Variants in MIPOL1 observed in about 807,000 individuals in gnomAD.
MIPOL1 encodes mirror-image polydactyly 1, also known as mirror-image polydactyly gene 1 protein.
MIPOL1 carries 57 observed loss-of-function variants against 60.9 expected under a neutral mutation model. The observed-to-expected ratio is 0.94, with a 90% CI of 0.76 to 1.17. The LOEUF (loss-of-function observed/expected upper bound fraction) is 1.17, where lower values mean the gene tolerates loss of function less well. MIPOL1 is among the 50% of genes most tolerant of loss of function. The probability of loss-of-function intolerance (pLI) is 0.00; values close to 1 mark genes in which losing one functional copy is unlikely to be tolerated. For synonymous variants in MIPOL1, 179 were observed against 168.8 expected (o/e 1.06, Z -0.47); for missense variants, 551 against 511.6 (o/e 1.08, Z -0.74).
intron 1 of MIPOL1, among the ~76,000 whole-genome samples, chr14:37,228,438 T>G (rs1970111426): frequency 6.6e-6 from 1 of 151,730 alleles, no homozygotes; most frequent in African/African-American, 2.4e-5. Flanking sequence ...GACTTCTGAT[T>G]AAAACATTTT....
intron 9 of MIPOL1, among the ~76,000 whole-genome samples, chr14:37,357,462 A>G (rs2091927149): frequency 6.6e-6 from 1 of 152,166 alleles, no homozygotes; most frequent in East Asian, 1.9e-4. Flanking sequence ...CTGGAGTGAG[A>G]CAATAATCTA....
chr14:37,432,284 A>G (rs1421468084), intron 11 of MIPOL1, among the ~76,000 whole-genome samples: 1 of 152,194 alleles, frequency 6.6e-6, no homozygotes, highest in Non-Finnish European at 1.5e-5. Flanking sequence ...CTTCTAGTCC[A>G]ATAGTTCTAT....
At chr14:37,340,331 TG>T (rs1234080281) in intron 9 of MIPOL1, among the ~76,000 whole-genome samples, 2 of 152,238 alleles carry the variant, frequency 1.3e-5, no homozygotes, top group Non-Finnish European at 2.9e-5. Flanking sequence ...AAAAGATTTT[TG>T]TACATTTGTA....
intron 7 of MIPOL1, among the ~76,000 whole-genome samples, chr14:37,297,403 G>A (rs1015583075): frequency 6.6e-6 from 1 of 152,154 alleles, no homozygotes; most frequent in Admixed American, 6.5e-5. Context: ...ACAAGACAGG[G>A]ATGCGCTCTC....
chr14:37,343,292 T>A (rs1394431023), intron 9 of MIPOL1, among the ~76,000 whole-genome samples: 1 of 152,074 alleles, frequency 6.6e-6, no homozygotes, highest in Non-Finnish European at 1.5e-5. Flanking sequence ...TTTTCAAGTT[T>A]AAAAAAACTC....
At chr14:37,223,351 G>T (rs1351419093) in intron 1 of MIPOL1, among the ~76,000 whole-genome samples, 1 of 151,724 alleles carries the variant, frequency 6.6e-6, no homozygotes, top group Non-Finnish European at 1.5e-5. Flanking sequence ...ACTTAGTTTT[G>T]TGGTAGATAT....
At chr14:37,461,559 A>C (rs532403245) in intron 11 of MIPOL1, among the ~76,000 whole-genome samples, 12 of 152,220 alleles carry the variant, frequency 7.9e-5, no homozygotes, top group African/African-American at 2.4e-4. Flanking sequence ...TTTCAAAACC[A>C]ATCATGCCTT....
chr14:37,388,156 A>C (rs1476964138), intron 10 of MIPOL1, among the ~76,000 whole-genome samples: 1 of 151,808 alleles, frequency 6.6e-6, no homozygotes, highest in Non-Finnish European at 1.5e-5. Flanking sequence ...CTTAGAAAGG[A>C]TAAAAAAAAA....
At chr14:37,516,842 T>C (rs2095372799) in intron 12 of MIPOL1, among the ~76,000 whole-genome samples, 2 of 152,172 alleles carry the variant, frequency 1.3e-5, no homozygotes, top group African/African-American at 2.4e-5. Context: ...GTTCATAAAA[T>C]ATTTAAGCTG....
chr14:37,307,977 TA>T, intron 7 of MIPOL1, 78 bp from the exon 8 acceptor site: 1 of 1,203,898 alleles, frequency 8.3e-7, no homozygotes, highest in Non-Finnish European at 1.2e-6. Context: ...CTTGAGGTTC[TA>T]AAGATTTAAA....
At position 37,549,390 on chromosome 14, in the gene MIPOL1, A is replaced by G. The variant is rs1205451860; in HGVS notation, c.*2419A>G. ...GATCCTATCGACAATCATAATAATA[A>G]TAAATTATATATATAACCCATATAA... On this transcript the variant is annotated 3_prime_UTR_variant, in exon 13 of 13. Coordinates refer to ENST00000684589, the MANE Select transcript of MIPOL1 (RefSeq NM_001388067.1). 1 of 151,654 alleles carries G rather than the reference A, an allele frequency of 6.6e-6. No homozygotes were observed. The highest frequency in any genetic ancestry group is 1.5e-5 in the Non-Finnish European group (1 of 67,728). 9.4% of individuals were successfully genotyped at this position (151,654 alleles called of 1,614,324 possible). A position where few individuals can be genotyped will look rare whatever the true frequency, so the allele number is the denominator to read the frequency against.
At chr14:37,481,196 C>T (rs778212214) in intron 11 of MIPOL1, among the ~76,000 whole-genome samples, 1 of 151,878 alleles carries the variant, frequency 6.6e-6, no homozygotes, top group Non-Finnish European at 1.5e-5. Flanking sequence ...AAATCAACAC[C>T]CCGAAATCCA....
chr14:37,368,308 A>G (rs900926060), intron 9 of MIPOL1, among the ~76,000 whole-genome samples: 2 of 151,440 alleles, frequency 1.3e-5, no homozygotes, highest in Admixed American at 6.6e-5. Flanking sequence ...TTGCAATCTA[A>G]GTCAATATCA....
intron 9 of MIPOL1, among the ~76,000 whole-genome samples, chr14:37,353,561 T>C (rs1461863784): frequency 6.6e-6 from 1 of 152,044 alleles, no homozygotes; most frequent in Non-Finnish European, 1.5e-5. Flanking sequence ...TGGTAAGCTA[T>C]TGATTATTGC....
chr14:37,236,990 G>A (rs1192994963), intron 1 of MIPOL1, among the ~76,000 whole-genome samples: 1 of 152,032 alleles, frequency 6.6e-6, no homozygotes, highest in Non-Finnish European at 1.5e-5. Flanking sequence ...GGGCATGTGC[G>A]GGCTTTCTAG....
intron 1 of MIPOL1, among the ~76,000 whole-genome samples, chr14:37,225,209 T>TA (rs1312810122): frequency 2.6e-5 from 4 of 152,176 alleles, no homozygotes; most frequent in Non-Finnish European, 2.9e-5. Context: ...TGTCAGTACT[T>TA]ACACCATTTT....
chr14:37,429,475 CA>C lies in MIPOL1; in HGVS notation c.1031+6531del, dbSNP rs375743496. Reference sequence around the variant, plus strand: ...ATATGGTAAAGTTGACATTTTAGAACAAAAATGTTGAAGAGAATTCTTCACT... The same window carrying C: ...ATATGGTAAAGTTGACATTTTAGAACAAAATGTTGAAGAGAATTCTTCACT... On this transcript the variant is annotated intron_variant, in intron 11 of 12. Coordinates refer to ENST00000684589, the MANE Select transcript of MIPOL1 (RefSeq NM_001388067.1). 3.0e-4 allele frequency among the ~76,000 whole-genome samples: 46 copies of C among 152,096 alleles called. No individual in the cohort carries two copies. In the East Asian group the frequency reaches 7.5e-3, roughly 25 times the overall value.
chr14:37,268,702 C>G lies in MIPOL1; in HGVS notation c.296C>G (p.Thr99Ser). 6.2e-7 allele frequency: 1 copy of G among 1,602,448 alleles called. No homozygotes were observed. ...AATGATATGCATTATGAATGTATGACTCCTTGTCAAGTTACTTCAGACTCA... is the reference window on the plus strand; with the variant it reads ...AATGATATGCATTATGAATGTATGAGTCCTTGTCAAGTTACTTCAGACTCA... ...RHNDMHYECM[T>S]PCQVTSDSDK... is the part of the protein sequence containing the mutation. The change falls in exon 5 of 13, where the codon ACT (threonine) becomes AGT (serine). Residue 99 changes from threonine (T) to serine (S), a missense_variant. Thr to Ser is a moderately conservative substitution (Grantham distance 58, BLOSUM62 1). Coordinates refer to ENST00000684589, the MANE Select transcript of MIPOL1 (RefSeq NM_001388067.1).
At chr14:37,357,231 G>T (rs879673494) in intron 9 of MIPOL1, among the ~76,000 whole-genome samples, 5 of 152,108 alleles carry the variant, frequency 3.3e-5, no homozygotes, top group Non-Finnish European at 7.4e-5. Flanking sequence ...ACCAACAGAT[G>T]GGCAGTTTGC....
Sources: allele counts gnomAD v4.1 joint callset (sites outside exome capture counted in the v4.1 genomes callset), GRCh38; gene constraint gnomAD v4.1.1; transcripts MANE v1.5; gene names NCBI Gene and HGNC (gene_info 2026-07-23, HGNC 2026-07-21).